MTSS1: variants seen among roughly 807,000 people sequenced by gnomAD.
The protein encoded by MTSS1 is MTSS I-BAR domain containing 1.
MTSS1 carries 18 observed loss-of-function variants against 79.0 expected under a neutral mutation model. That is an observed-to-expected ratio of 0.23 (90% CI 0.16 to 0.34). The LOEUF (loss-of-function observed/expected upper bound fraction) is 0.34. MTSS1 is among the 10% of genes least tolerant of loss of function. MTSS1 has a pLI of 1.00. For synonymous variants in MTSS1, 341 were observed against 368.6 expected, an observed-to-expected ratio of 0.93 and a Z score of 0.86; for missense variants, 815 against 986.2, an observed-to-expected ratio of 0.83 and a Z score of 2.33.
chr8:124,595,895 G>A (rs968011450), intron 3 of MTSS1, among the ~76,000 whole-genome samples: 1 of 152,190 alleles, frequency 6.6e-6, no homozygotes. Flanking sequence ...GGCAGTGGCT[G>A]CTTCAGGGAT....
At chr8:124,691,871 T>C (rs1827996541) in intron 3 of MTSS1, among the ~76,000 whole-genome samples, 1 of 152,178 alleles carries the variant, frequency 6.6e-6, no homozygotes, top group Non-Finnish European at 1.5e-5. Context: ...TCCTTTATGG[T>C]AATATTCAAA....
intron 3 of MTSS1, among the ~76,000 whole-genome samples, chr8:124,644,273 C>T (rs1486345605): frequency 3.3e-5 from 5 of 152,214 alleles, no homozygotes; most frequent in African/African-American, 9.6e-5. Flanking sequence ...GCAACCTTAT[C>T]TCTGTCTTCT....
At chr8:124,705,196 C>A (rs905834170) in intron 1 of MTSS1, among the ~76,000 whole-genome samples, 2 of 152,128 alleles carry the variant, frequency 1.3e-5, no homozygotes, top group African/African-American at 4.8e-5. Flanking sequence ...AAGGGCCGGG[C>A]GCCATGGCTC....
At chr8:124,664,022 C>A (rs1394049006) in intron 3 of MTSS1, among the ~76,000 whole-genome samples, 1 of 152,178 alleles carries the variant, frequency 6.6e-6, no homozygotes, top group Non-Finnish European at 1.5e-5. Context: ...AAGCACAGCA[C>A]AGAAGTAACC....
chr8:124,620,038 G>A (rs1283114432), intron 3 of MTSS1, among the ~76,000 whole-genome samples: 1 of 151,858 alleles, frequency 6.6e-6, no homozygotes. Context: ...TGCAACCTCC[G>A]CCTCCCGGGT....
At chr8:124,721,625 G>A (rs189444075) in intron 1 of MTSS1, among the ~76,000 whole-genome samples, 113 of 151,932 alleles carry the variant, frequency 7.4e-4, no homozygotes, top group African/African-American at 2.7e-3. Context: ...GGCCAGGCTC[G>A]TCTCAAACTC....
chr8:124,719,796 A>G (rs1221282440), intron 1 of MTSS1, among the ~76,000 whole-genome samples: 2 of 152,232 alleles, frequency 1.3e-5, no homozygotes, highest in African/African-American at 4.8e-5. Context: ...GGGTGGCTCA[A>G]ATAGATACGA....
Position 124,553,701 on chromosome 8 carries a change from A to T in MTSS1, c.1568-9T>A. 1 of 1,596,480 alleles carries T rather than the reference A, an allele frequency of 6.3e-7. No homozygotes were observed. Among genetic ancestry groups the T allele is most frequent in the Non-Finnish European group, 8.6e-7 (1 of 1,169,206 alleles). The stretch of plus-strand genomic sequence containing the variant: ...ATAATCATAATCTGAAACTGATTAT[A>T]GGATTTGATTAGACATATTCAAGAC... On this transcript the variant is annotated splice_polypyrimidine_tract_variant and intron_variant, in intron 13 of 13. Transcript: ENST00000518547. This position sits in a 1 kb window ranked among gnomAD's most constrained non-coding sequence, Gnocchi z 6.0.
intron 3 of MTSS1, among the ~76,000 whole-genome samples, chr8:124,691,049 C>T (rs1373278749): frequency 2.0e-5 from 3 of 152,050 alleles, no homozygotes; most frequent in Non-Finnish European, 2.9e-5. Context: ...AATGGGGAAT[C>T]GTAAGACAAA....
Position 124,639,956 on chromosome 8 carries a change from A to G in MTSS1, c.209-48721T>C, listed in dbSNP as rs1157528170. Among the ~76,000 whole-genome samples, 9 of 145,614 alleles carry G rather than the reference A, an allele frequency of 6.2e-5. No homozygotes were observed. The East Asian group carries it at 2.1e-3, about 34-fold the overall frequency. ...GCTGACATTATAAGTAGGCAGAACA[A>G]TATAAACAGTTTATGACTTGTGGCT... On this transcript the variant is annotated intron_variant, in intron 3 of 13. Coordinates refer to ENST00000518547, the MANE Select transcript of MTSS1 (RefSeq NM_014751.6).
chr8:124,622,060 A>AAGAGAGAG lies in MTSS1; in HGVS notation c.209-30833_209-30826dup, dbSNP rs55869660. ...GGAAAGTGTGAGAGACAGAAAGAGA[A>AAGAGAGAG]AGAGAGAGAGAGAGAGAGAGAGAGA... is the stretch of plus-strand genomic sequence containing the variant. On this transcript the variant is annotated intron_variant, in intron 3 of 13. Coordinates refer to ENST00000518547, the MANE Select transcript of MTSS1 (RefSeq NM_014751.6). Among the ~76,000 whole-genome samples the AAGAGAGAG allele has an allele frequency of 1.2e-3, 135 of 110,112 alleles. 1 individual carries two copies. The highest frequency in any genetic ancestry group is 3.1e-3 in the Admixed American group (34 of 11,104). The allele number at this position is 110,112 out of a possible 152,430, so 72.2% of individuals were successfully genotyped here. A position where few individuals can be genotyped will look rare whatever the true frequency, so the allele number is the denominator to read the frequency against.
At chr8:124,599,949 G>A (rs1034576953) in intron 3 of MTSS1, among the ~76,000 whole-genome samples, 7 of 151,752 alleles carry the variant, frequency 4.6e-5, no homozygotes, top group African/African-American at 1.7e-4. Context: ...ATTAGCCAAT[G>A]TGGCTTCAAA....
At chr8:124,672,854 CACAT>C (rs946768042) in intron 3 of MTSS1, among the ~76,000 whole-genome samples, 12 of 151,316 alleles carry the variant, frequency 7.9e-5, no homozygotes, top group African/African-American at 2.7e-4. Flanking sequence ...TGCACACACA[CACAT>C]ATGCACACAC....
At chr8:124,710,680 G>A (rs979973238) in intron 1 of MTSS1, among the ~76,000 whole-genome samples, 15 of 142,216 alleles carry the variant, frequency 1.1e-4, no homozygotes, top group Admixed American at 2.1e-4. Context: ...ATGGTGCAGA[G>A]AATAACTGTG....
rs371866726 is a variant in MTSS1 at position 124,638,369 on chromosome 8, C to A, written c.209-47134G>T. 4.3e-4 allele frequency among the ~76,000 whole-genome samples: 66 copies of A among 152,316 alleles called. 1 individual carries two copies. In the South Asian group the frequency reaches 0.014, roughly 32 times the overall value. ...AGTGTTTGTGATCAAATCCACTACC[C>A]CAAACTGGGCCTATCTTAGAGTTTA... On this transcript the variant is annotated intron_variant, in intron 3 of 13. Transcript: ENST00000518547.
rs1168595246 is a variant in MTSS1, at chr8:124,553,876, T to A, written c.1568-184A>T. On this transcript the variant is annotated intron_variant, in intron 13 of 13. Coordinates refer to ENST00000518547, the MANE Select transcript of MTSS1 (RefSeq NM_014751.6). This position sits in a 1 kb window ranked among gnomAD's most constrained non-coding sequence, Gnocchi z 6.0. ...CTAAGAACTCCGTGGCAGGGATCTT[T>A]GCTTTGTTCACTGATGTGTCCCAAG... Among the ~76,000 whole-genome samples the A allele has an allele frequency of 6.6e-6, 1 of 152,126 alleles. No homozygotes were observed. The highest frequency in any genetic ancestry group is 2.4e-5 in the African/African-American group (1 of 41,412).
intron 6 of MTSS1, among the ~76,000 whole-genome samples, chr8:124,572,743 CTT>C (rs747243821): frequency 9.7e-5 from 12 of 123,640 alleles, no homozygotes; most frequent in Admixed American, 4.0e-4. Flanking sequence ...CTTTTCTTTT[CTT>C]TTTTTTTTTT....
At chr8:124,653,114 G>C (rs889531330) in intron 3 of MTSS1, among the ~76,000 whole-genome samples, 3 of 152,220 alleles carry the variant, frequency 2.0e-5, no homozygotes, top group Non-Finnish European at 4.4e-5. Flanking sequence ...CCCGGATGGG[G>C]CACAGGAGCT....
At chr8:124,610,744 G>A (rs575524257) in intron 3 of MTSS1, among the ~76,000 whole-genome samples, 1 of 152,146 alleles carries the variant, frequency 6.6e-6, no homozygotes, top group Non-Finnish European at 1.5e-5. Context: ...GGTGAACAGA[G>A]GTACAAGAAG....
Sources: gnomAD v4.1 joint callset for allele counts (sites outside exome capture counted in the v4.1 genomes callset) on GRCh38, gnomAD v4.1.1 for gene constraint, Gnocchi (gnomAD v3.1) non-coding constraint, MANE v1.5 for transcripts, NCBI Gene and HGNC (gene_info 2026-07-23, HGNC 2026-07-21) for gene names.